Variants in STK31 observed in about 807,000 individuals in gnomAD.
The protein encoded by STK31 is serine/threonine kinase 31.
In STK31, 89 loss-of-function variants were observed where a neutral mutation model predicts 129.7. The ratio of observed to expected loss-of-function variants is 0.69; its 90% confidence interval spans 0.58 to 0.82. The LOEUF (loss-of-function observed/expected upper bound fraction) is 0.82. STK31 is among the 40% of genes least tolerant of loss of function. The probability of loss-of-function intolerance (pLI) is 0.00; values close to 1 mark genes in which losing one functional copy is unlikely to be tolerated. For missense variants in STK31, 1,187 were observed against 1,176.4 expected (o/e 1.01, Z -0.13); for synonymous variants, 448 against 395.3 (o/e 1.13, Z -1.58).
chr7:23,811,238 T>C (rs952302424), intron 22 of STK31: 1 of 320,440 alleles, frequency 3.1e-6, no homozygotes, highest in African/African-American at 2.2e-5. Context: ...GCCATCTAGA[T>C]TGATGTTTTC....
At chr7:23,738,318 A>G (rs573681209) in intron 8 of STK31, among the ~76,000 whole-genome samples, 1 of 152,248 alleles carries the variant, frequency 6.6e-6, no homozygotes, top group South Asian at 2.1e-4. Flanking sequence ...CCACCCTCCC[A>G]GGTCATGGAT....
At chr7:23,710,100 C>A, upstream of STK31, 1 of 994,102 alleles carries the variant, frequency 1.0e-6, no homozygotes, top group Non-Finnish European at 1.5e-6. Context: ...CGGCAGCAGC[C>A]AGCGTCAGGC....
chr7:23,739,272 T>G (rs1158946449), intron 8 of STK31, among the ~76,000 whole-genome samples: 2 of 152,262 alleles, frequency 1.3e-5, no homozygotes, highest in South Asian at 2.1e-4. Flanking sequence ...CATAAATGTC[T>G]TCTTTTGAGA....
intron 22 of STK31, among the ~76,000 whole-genome samples, chr7:23,806,723 A>T (rs1792728066): frequency 6.6e-6 from 1 of 151,682 alleles, no homozygotes; most frequent in Non-Finnish European, 1.5e-5. Flanking sequence ...ACATGGTGAA[A>T]CCCCGTCTCT....
intron 15 of STK31, among the ~76,000 whole-genome samples, chr7:23,774,490 C>G (rs1015188131): frequency 1.3e-5 from 2 of 152,096 alleles, no homozygotes; most frequent in Non-Finnish European, 1.5e-5. Context: ...GGTATGAGAT[C>G]GTATCTCACT....
intron 19 of STK31, 30 bp from the exon 20 acceptor site, chr7:23,786,808 T>C (rs1197759386): frequency 6.3e-7 from 1 of 1,592,814 alleles, no homozygotes; most frequent in Admixed American, 1.8e-5. Context: ...AGTTTTTACT[T>C]GGAGTCACAT....
At chr7:23,715,016 C>G (rs543053378) in intron 3 of STK31, among the ~76,000 whole-genome samples, 1 of 152,080 alleles carries the variant, frequency 6.6e-6, no homozygotes, top group African/African-American at 2.4e-5. Context: ...ACGTTTAAAA[C>G]AGGAAACATG....
At chr7:23,749,770 T>C (rs981691657) in intron 8 of STK31, among the ~76,000 whole-genome samples, 3 of 152,174 alleles carry the variant, frequency 2.0e-5, no homozygotes, top group Admixed American at 2.0e-4. Flanking sequence ...TATAGTCCTG[T>C]GATTAGGTCT....
chr7:23,805,234 C>T (rs1335295518), intron 22 of STK31, among the ~76,000 whole-genome samples: 1 of 151,902 alleles, frequency 6.6e-6, no homozygotes, highest in African/African-American at 2.4e-5. Flanking sequence ...CGCTGCCATG[C>T]CTGGCTAATT....
At chr7:23,772,823 A>G (rs1406731934) in intron 15 of STK31, among the ~76,000 whole-genome samples, 2 of 152,178 alleles carry the variant, frequency 1.3e-5, no homozygotes, top group African/African-American at 4.8e-5. Flanking sequence ...TGAATAAGAT[A>G]GTAAACTTTG....
chr7:23,710,408 A>G, intron 1 of STK31, 73 bp downstream of exon 1: 1 of 1,608,658 alleles, frequency 6.2e-7, no homozygotes, highest in Non-Finnish European at 8.5e-7. Context: ...CTTGCGTTTT[A>G]AGTCTCCAAT....
chr7:23,741,651 C>T (rs868603821), intron 8 of STK31, among the ~76,000 whole-genome samples: 2 of 152,234 alleles, frequency 1.3e-5, no homozygotes, highest in Non-Finnish European at 2.9e-5. Flanking sequence ...GCTGTGGCTA[C>T]TGCTGCCAGG....
At position 23,803,874 on chromosome 7, in the gene STK31, A is replaced by G. The variant is rs1464040894; in HGVS notation, c.2761-11270A>G. 3.3e-5 allele frequency among the ~76,000 whole-genome samples: 5 copies of G among 152,274 alleles called. No individual in the cohort carries two copies. In the East Asian group the frequency reaches 9.6e-4, roughly 29 times the overall value. On this transcript the variant is annotated intron_variant, in intron 22 of 23. Transcript: ENST00000355870. ...ATACATGGACTATAGTTTTATCATG[A>G]CACCATTTGTATTAAGGTTCTTCAC... is the stretch of plus-strand genomic sequence containing the variant.
chr7:23,713,869 A>C (rs189273888), intron 3 of STK31, among the ~76,000 whole-genome samples: 2 of 147,472 alleles, frequency 1.4e-5, no homozygotes, highest in African/African-American at 5.0e-5. Flanking sequence ...ATAGTAAAAA[A>C]AAATATATAT....
chr7:23,786,665 C>A, intron 19 of STK31, 32 bp downstream of exon 19: 1 of 1,594,622 alleles, frequency 6.3e-7, no homozygotes, highest in Non-Finnish European at 8.5e-7. Flanking sequence ...CTTGCAGAAA[C>A]CATTTTATCT....
intron 23 of STK31, among the ~76,000 whole-genome samples, chr7:23,830,076 C>CGTA (rs1336084519): frequency 6.6e-6 from 1 of 151,666 alleles, no homozygotes; most frequent in Non-Finnish European, 1.5e-5. Context: ...CAGCCTTCCA[C>CGTA]GTAGCTGGGA....
intron 22 of STK31, among the ~76,000 whole-genome samples, chr7:23,806,855 A>C (rs1022965950): frequency 1.1e-4 from 16 of 148,312 alleles, no homozygotes; most frequent in African/African-American, 3.7e-4. Context: ...AGCAGAGATC[A>C]CGCCACTGCA....
chr7:23,762,550 A>G (rs1789539119), intron 10 of STK31, among the ~76,000 whole-genome samples: 1 of 152,152 alleles, frequency 6.6e-6, no homozygotes, highest in South Asian at 2.1e-4. Flanking sequence ...AGAAAAACAA[A>G]AATTTCATTG....
At chr7:23,721,046 G>A (rs751009234) in intron 4 of STK31, among the ~76,000 whole-genome samples, 5 of 152,162 alleles carry the variant, frequency 3.3e-5, no homozygotes, top group Non-Finnish European at 7.4e-5. Flanking sequence ...AGGATTTATA[G>A]TACACAAGTC....
Sources: gnomAD v4.1 joint callset for allele counts (sites outside exome capture counted in the v4.1 genomes callset) on GRCh38, gnomAD v4.1.1 for gene constraint, MANE v1.5 for transcripts, NCBI Gene and HGNC (gene_info 2026-07-23, HGNC 2026-07-21) for gene names.